The following RCAN2 variants were observed in gnomAD, a reference collection of about 807,000 sequenced individuals.
RCAN2 encodes calcipressin-2.
In RCAN2, 9 loss-of-function variants were observed where a neutral mutation model predicts 23.6. The observed-to-expected ratio is 0.38, with a 90% CI of 0.23 to 0.67. The LOEUF is 0.67. RCAN2 is among the 30% of genes least tolerant of loss of function. RCAN2 has a pLI of 0.51. For synonymous variants in RCAN2, 109 were observed against 115.7 expected (o/e 0.94, Z 0.37); for missense variants, 273 against 302.3 (o/e 0.90, Z 0.72).
At chr6:46,459,276 T>A (rs1367386783) in intron 1 of RCAN2, among the ~76,000 whole-genome samples, 1 of 152,246 alleles carries the variant, frequency 6.6e-6, no homozygotes, top group Non-Finnish European at 1.5e-5. Context: ...ATTTTATTTT[T>A]AATCTCATCC....
At chr6:46,436,963 C>G (rs151237207) in intron 2 of RCAN2, among the ~76,000 whole-genome samples, 6 of 152,294 alleles carry the variant, frequency 3.9e-5, no homozygotes, top group African/African-American at 1.4e-4. Context: ...TGCCTTCAGT[C>G]ACATGTAGAC....
chr6:46,263,473 GTA>G (rs1443921933), intron 2 of RCAN2, among the ~76,000 whole-genome samples: 15 of 69,122 alleles, frequency 2.2e-4, no homozygotes, highest in Non-Finnish European at 3.4e-4. Context: ...GTGTGTGTGT[GTA>G]TGTGTGTGTG....
intron 2 of RCAN2, among the ~76,000 whole-genome samples, chr6:46,249,143 A>G (rs1766621508): frequency 6.6e-6 from 1 of 151,872 alleles, no homozygotes; most frequent in Non-Finnish European, 1.5e-5. Flanking sequence ...TATATGAAAC[A>G]AATGGGAAAT....
Position 46,231,401 on chromosome 6 carries a change from C to T in RCAN2, c.572-8100G>A, listed in dbSNP as rs1197290516. Among the ~76,000 whole-genome samples the T allele has an allele frequency of 5.4e-5, 8 of 149,494 alleles. No homozygotes were observed. The East Asian group carries it at 1.2e-3, about 22-fold the overall frequency. Reference sequence around the variant, plus strand: ...ATAAATTTTTGTCATAAATGCCACTCGGTTTGTGGCATTTTTTTTTTTTTT... The same window carrying T: ...ATAAATTTTTGTCATAAATGCCACTTGGTTTGTGGCATTTTTTTTTTTTTT... On this transcript the variant is annotated intron_variant, in intron 4 of 4. Transcript: ENST00000371374.
At chr6:46,485,029 G>A (rs528613471) in intron 1 of RCAN2, among the ~76,000 whole-genome samples, 2 of 152,304 alleles carry the variant, frequency 1.3e-5, no homozygotes, top group African/African-American at 2.4e-5. Flanking sequence ...AGCAATGTCA[G>A]TATACAGAGA....
intron 2 of RCAN2, among the ~76,000 whole-genome samples, chr6:46,290,795 A>G (rs1762533761): frequency 1.3e-5 from 2 of 152,254 alleles, no homozygotes; most frequent in Non-Finnish European, 1.5e-5. Context: ...CCTACAGTCA[A>G]CTTATGTACA....
intron 2 of RCAN2, among the ~76,000 whole-genome samples, chr6:46,454,940 C>G (rs1281795557): frequency 6.6e-6 from 1 of 152,150 alleles, no homozygotes; most frequent in South Asian, 2.1e-4. Context: ...GAGATTAGCA[C>G]CTTCCTAGGC....
rs1327792441 is a variant in RCAN2, at chr6:46,222,537, A to C, written c.*604T>G. ...ATGGTGTATTGACTCACAATAGTGA[A>C]TATACCCAGACTTGTTGAGCTGGAA... On this transcript the variant is annotated 3_prime_UTR_variant, in exon 5 of 5. Transcript: ENST00000371374. The C allele has an allele frequency of 6.5e-6, 1 of 153,186 alleles. No homozygotes were observed. The highest frequency in any genetic ancestry group is 2.4e-5 in the African/African-American group (1 of 41,484). The allele number at this position is 153,186 out of a possible 1,614,324, so 9.5% of individuals were successfully genotyped here.
At chr6:46,306,374 C>A (rs142074028) in intron 2 of RCAN2, among the ~76,000 whole-genome samples, 3 of 152,268 alleles carry the variant, frequency 2.0e-5, no homozygotes, top group African/African-American at 7.2e-5. Flanking sequence ...TCCTGTAACA[C>A]CTCAAAGTTC....
At chr6:46,392,030 C>A (rs367711058) in intron 2 of RCAN2, among the ~76,000 whole-genome samples, 60 of 152,280 alleles carry the variant, frequency 3.9e-4, no homozygotes, top group African/African-American at 1.4e-3. Flanking sequence ...AGATTTTGCC[C>A]AGCAGAAATA....
intron 2 of RCAN2, among the ~76,000 whole-genome samples, chr6:46,367,884 A>C (rs535098606): frequency 6.6e-6 from 1 of 152,302 alleles, no homozygotes; most frequent in Non-Finnish European, 1.5e-5. Flanking sequence ...AATTTTAAAA[A>C]ATTGTACTGT....
At chr6:46,388,027 C>G (rs963329947) in intron 2 of RCAN2, among the ~76,000 whole-genome samples, 9 of 151,910 alleles carry the variant, frequency 5.9e-5, no homozygotes, top group Non-Finnish European at 4.4e-5. Context: ...ACCGCACGTT[C>G]TCACTCATAG....
intron 2 of RCAN2, among the ~76,000 whole-genome samples, chr6:46,282,431 C>T (rs919799545): frequency 5.3e-5 from 8 of 151,268 alleles, no homozygotes; most frequent in Admixed American, 2.0e-4. Context: ...GTGCCAAGAT[C>T]GTGCCACTGC....
chr6:46,284,175 C>T lies in RCAN2; in HGVS notation c.226-35279G>A, dbSNP rs960407390. 6.6e-5 allele frequency among the ~76,000 whole-genome samples: 10 copies of T among 152,092 alleles called. No individual in the cohort carries two copies. In the East Asian group the frequency reaches 1.5e-3, roughly 23 times the overall value. On this transcript the variant is annotated intron_variant, in intron 2 of 4. Coordinates refer to ENST00000371374, the MANE Select transcript of RCAN2 (RefSeq NM_001251974.2). ...GTTAATGTGGGCAGAAAATTTGTAC[C>T]TTCTCATTGCAAAATATGGTGAAAG... is the stretch of plus-strand genomic sequence containing the variant.
chr6:46,299,592 C>T (rs1401928942), intron 2 of RCAN2, among the ~76,000 whole-genome samples: 1 of 151,930 alleles, frequency 6.6e-6, no homozygotes, highest in African/African-American at 2.4e-5. Flanking sequence ...CCCTCTCTGG[C>T]CCCCCTTTTA....
chr6:46,403,394 G>A (rs1766314780), intron 2 of RCAN2, among the ~76,000 whole-genome samples: 1 of 150,292 alleles, frequency 6.7e-6, no homozygotes, highest in Non-Finnish European at 1.5e-5. Context: ...CCAACATGGA[G>A]AAACCCTGTC....
At chr6:46,402,923 T>C (rs1018708432) in intron 2 of RCAN2, among the ~76,000 whole-genome samples, 1 of 152,154 alleles carries the variant, frequency 6.6e-6, no homozygotes, top group Non-Finnish European at 1.5e-5. Flanking sequence ...GCCAAGCCCT[T>C]GGCCCCTACA....
At chr6:46,458,896 C>CGCGGGCGTGT (rs57335093) in intron 1 of RCAN2, among the ~76,000 whole-genome samples, 1 of 150,036 alleles carries the variant, frequency 6.7e-6, no homozygotes, top group African/African-American at 2.5e-5. Context: ...CGCGCGCGCA[C>CGCGGGCGTGT]GTGTGTGTGT....
At chr6:46,291,232 A>G (rs1464504680) in intron 2 of RCAN2, among the ~76,000 whole-genome samples, 1 of 152,074 alleles carries the variant, frequency 6.6e-6, no homozygotes, top group Non-Finnish European at 1.5e-5. Flanking sequence ...GGGGGAAAAA[A>G]AGCTGAATCC....
Sources: allele counts gnomAD v4.1 joint callset (sites outside exome capture counted in the v4.1 genomes callset), GRCh38; gene constraint gnomAD v4.1.1; transcripts MANE v1.5; gene names NCBI Gene and HGNC (gene_info 2026-07-23, HGNC 2026-07-21).